The following CHRNA7 variants were observed in gnomAD, a reference collection of about 807,000 sequenced individuals.
The protein encoded by CHRNA7 is neuronal acetylcholine receptor subunit alpha-7.
Under a neutral mutation model 48.0 loss-of-function variants are expected in CHRNA7, and 17 were observed. The observed-to-expected ratio is 0.35, with a 90% confidence interval of 0.24 to 0.53. The LOEUF (loss-of-function observed/expected upper bound fraction) is 0.53. CHRNA7 is among the 20% of genes least tolerant of loss of function. The pLI is 0.92. For missense variants in CHRNA7, 155 were observed against 577.7 expected, an observed-to-expected ratio of 0.27 and a Z score of 7.50; for synonymous variants, 75 against 242.3, an observed-to-expected ratio of 0.31 and a Z score of 6.41.
intron 4 of CHRNA7, among the ~76,000 whole-genome samples, chr15:32,150,228 G>A (rs1306338089): frequency 1.3e-5 from 2 of 152,012 alleles, no homozygotes; most frequent in Non-Finnish European, 2.9e-5. Context: ...TTTTGTCAGT[G>A]TTTTGTTTTT....
At chr15:32,114,092 A>G (rs2050824371) in intron 4 of CHRNA7, among the ~76,000 whole-genome samples, 1 of 145,934 alleles carries the variant, frequency 6.9e-6, no homozygotes, top group African/African-American at 2.5e-5. Context: ...ACATACATAC[A>G]CACACACATA....
chr15:32,052,856 C>T (rs2049716280), intron 2 of CHRNA7, among the ~76,000 whole-genome samples: 1 of 152,092 alleles, frequency 6.6e-6, no homozygotes. Context: ...TTGTACATTT[C>T]AAAATAACTA....
intron 2 of CHRNA7, among the ~76,000 whole-genome samples, chr15:32,035,496 T>G (rs1256018829): frequency 6.6e-6 from 1 of 152,200 alleles, no homozygotes; most frequent in East Asian, 1.9e-4. Context: ...GAAGCTTTAG[T>G]CACAAGACCG....
intron 4 of CHRNA7, among the ~76,000 whole-genome samples, chr15:32,141,820 G>A (rs2141339597): frequency 6.6e-6 from 1 of 152,098 alleles, no homozygotes; most frequent in South Asian, 2.1e-4. Flanking sequence ...GAGATTTTTG[G>A]CTGAGACAAT....
At chr15:32,166,684 C>T (rs987329211) in intron 9 of CHRNA7, 1 of 147,670 alleles carries the variant, frequency 6.8e-6, no homozygotes, top group African/African-American at 2.6e-5. Context: ...AAATCAGGAT[C>T]TGGATAATTT....
chr15:32,129,216 T>G (rs918847867), intron 4 of CHRNA7, among the ~76,000 whole-genome samples: 1 of 151,920 alleles, frequency 6.6e-6, no homozygotes, highest in Non-Finnish European at 1.5e-5. Context: ...GTAGTTTTTG[T>G]TTTGCATTTT....
intron 2 of CHRNA7, among the ~76,000 whole-genome samples, chr15:32,043,330 C>T (rs1442793862): frequency 6.6e-6 from 1 of 152,046 alleles, no homozygotes; most frequent in African/African-American, 2.4e-5. Context: ...ATTTGATAAT[C>T]TTTGTATTTT....
intron 3 of CHRNA7, among the ~76,000 whole-genome samples, chr15:32,106,798 C>T (rs1392006801): frequency 6.6e-6 from 1 of 152,158 alleles, no homozygotes; most frequent in East Asian, 1.9e-4. Context: ...TAACTTTAAC[C>T]TCCTAATTCT....
intron 2 of CHRNA7, among the ~76,000 whole-genome samples, chr15:32,093,426 C>G (rs1387059891): frequency 6.6e-6 from 1 of 152,184 alleles, no homozygotes; most frequent in Non-Finnish European, 1.5e-5. Context: ...TGGGGCAGCT[C>G]TGGGCATGGG....
chr15:32,122,887 C>CAAAAAAA (rs61151556), intron 4 of CHRNA7, among the ~76,000 whole-genome samples: 2 of 107,916 alleles, frequency 1.9e-5, no homozygotes, highest in African/African-American at 3.7e-5. Flanking sequence ...GCTCTCAAAG[C>CAAAAAAA]AAAAAAAAAA....
intron 2 of CHRNA7, among the ~76,000 whole-genome samples, chr15:32,038,270 T>A (rs567017303): frequency 6.6e-6 from 1 of 151,010 alleles, no homozygotes; most frequent in African/African-American, 2.4e-5. Flanking sequence ...ACAGCTAACA[T>A]CATACTTAAT....
intron 3 of CHRNA7, among the ~76,000 whole-genome samples, chr15:32,107,013 A>G (rs376450571): frequency 3.1e-4 from 47 of 152,196 alleles, no homozygotes; most frequent in East Asian, 2.7e-3. Flanking sequence ...CGATGTGTCA[A>G]TCATTATGTC....
chr15:32,126,572 A>G (rs1456873832), intron 4 of CHRNA7, among the ~76,000 whole-genome samples: 2 of 152,182 alleles, frequency 1.3e-5, no homozygotes, highest in Non-Finnish European at 2.9e-5. Flanking sequence ...TTCATTTTAT[A>G]TATCTTCCTT....
Position 32,068,357 on chromosome 15 carries a change from A to G in CHRNA7, c.196-32946A>G, listed in dbSNP as rs191037066. On this transcript the variant is annotated intron_variant, in intron 2 of 9. Transcript: ENST00000306901. ...TAAATTCTACTTTATCAGATTGCACATGGAAGTAGGTGGATTAGACACTCC... is the reference window on the plus strand; with the variant it reads ...TAAATTCTACTTTATCAGATTGCACGTGGAAGTAGGTGGATTAGACACTCC... Among the ~76,000 whole-genome samples the G allele has an allele frequency of 2.4e-3, 365 of 152,254 alleles. 2 individuals carry two copies. Among genetic ancestry groups the G allele is most frequent in the Non-Finnish European group, 2.7e-3 (181 of 68,018 alleles).
intron 3 of CHRNA7, chr15:32,111,286 A>C (rs2050758412): frequency 6.6e-6 from 1 of 152,570 alleles, no homozygotes; most frequent in African/African-American, 2.4e-5. Flanking sequence ...TCCCTGTGAC[A>C]AAATAAAAAT....
chr15:32,039,340 G>A (rs1222417974), intron 2 of CHRNA7, among the ~76,000 whole-genome samples: 5 of 152,030 alleles, frequency 3.3e-5, no homozygotes, highest in African/African-American at 1.2e-4. Flanking sequence ...TAAAGTAGAA[G>A]CTTAGAATAC....
intron 3 of CHRNA7, among the ~76,000 whole-genome samples, chr15:32,110,739 CA>C (rs2050750136): frequency 6.6e-6 from 1 of 152,164 alleles, no homozygotes; most frequent in African/African-American, 2.4e-5. Context: ...GGTCTAAAAT[CA>C]AATTGAAATC....
At chr15:32,070,210 T>C (rs1289886628) in intron 2 of CHRNA7, among the ~76,000 whole-genome samples, 2 of 152,110 alleles carry the variant, frequency 1.3e-5, no homozygotes, top group East Asian at 3.8e-4. Flanking sequence ...ATAGGCTGCG[T>C]TTTGTTTTGT....
At chr15:32,105,877 C>G (rs2050660925) in intron 3 of CHRNA7, among the ~76,000 whole-genome samples, 1 of 152,150 alleles carries the variant, frequency 6.6e-6, no homozygotes, top group Non-Finnish European at 1.5e-5. Context: ...TTTAAGGGCT[C>G]ACAAGAATCC....
Sources: gnomAD v4.1 joint callset for allele counts (sites outside exome capture counted in the v4.1 genomes callset) on GRCh38, gnomAD v4.1.1 for gene constraint, MANE v1.5 for transcripts, NCBI Gene and HGNC (gene_info 2026-07-23, HGNC 2026-07-21) for gene names.